PDE9A: variants seen among roughly 807,000 people sequenced by gnomAD.
The protein encoded by PDE9A is phosphodiesterase 9A.
In PDE9A, 60 loss-of-function variants were observed where a neutral mutation model predicts 87.4. The observed-to-expected ratio is 0.69, with a 90% CI of 0.56 to 0.85. The LOEUF (loss-of-function observed/expected upper bound fraction) is 0.85. Among genes scored for constraint, PDE9A ranks in the 40% least tolerant of loss-of-function variants. The probability of loss-of-function intolerance (pLI) is 0.00; values close to 1 mark genes in which losing one functional copy is unlikely to be tolerated. For synonymous variants in PDE9A, 272 were observed against 279.4 expected (o/e 0.97, Z 0.27); for missense variants, 665 against 779.0 (o/e 0.85, Z 1.74).
chr21:42,672,875 TC>T (rs944430459), intron 1 of PDE9A, among the ~76,000 whole-genome samples: 56 of 152,282 alleles, frequency 3.7e-4, no homozygotes, highest in African/African-American at 1.3e-3. Flanking sequence ...TGCGGTGGCA[TC>T]CCCGAGTTAA....
chr21:42,685,752 G>A (rs2059426955), intron 1 of PDE9A, among the ~76,000 whole-genome samples: 1 of 152,202 alleles, frequency 6.6e-6, no homozygotes, highest in Non-Finnish European at 1.5e-5. Context: ...ACAGGCGTGA[G>A]CCACCGCGCC....
chr21:42,664,859 C>T (rs1165426175), intron 1 of PDE9A, among the ~76,000 whole-genome samples: 2 of 152,274 alleles, frequency 1.3e-5, no homozygotes, highest in Admixed American at 6.5e-5. Flanking sequence ...CCACGTCCTG[C>T]CATTGACCTC....
At chr21:42,717,558 T>TC (rs2050068776) in intron 4 of PDE9A, among the ~76,000 whole-genome samples, 1 of 150,460 alleles carries the variant, frequency 6.6e-6, no homozygotes, top group African/African-American at 2.4e-5. Flanking sequence ...AAAAAAAAAT[T>TC]TTTTTGTATT....
At chr21:42,701,008 A>G (rs1478173832) in intron 4 of PDE9A, 2 of 152,242 alleles carry the variant, frequency 1.3e-5, no homozygotes, top group East Asian at 1.9e-4. Context: ...ACAGTCTGCT[A>G]GGATTTTGAC....
At position 42,772,503 on chromosome 21, in the gene PDE9A, A is replaced by T. The variant is rs768956002; in HGVS notation, c.1751A>T (p.Asp584Val). ...GAGAAGTCCAGAGAGAGAAGCAGAG[A>T]TGTGAAAAACAGTGAAGGTAATGCT... ...ATEKSRERSR[D>V]VKNSEGDCA Residue 584 changes from aspartate (D) to valine (V), a missense_variant, in exon 19 of 20, where the codon GAT becomes GTT. By Grantham distance (152) the Asp-to-Val change is radical. Coordinates refer to ENST00000291539, the MANE Select transcript of PDE9A (RefSeq NM_002606.3). 1 of 1,606,966 alleles carries T rather than the reference A, an allele frequency of 6.2e-7. No homozygotes were observed. Among genetic ancestry groups the T allele is most frequent in the Non-Finnish European group, 8.5e-7 (1 of 1,176,540 alleles).
chr21:42,724,272 A>G (rs12185853), intron 4 of PDE9A, among the ~76,000 whole-genome samples: 30,781 of 152,166 alleles, frequency 0.2, 3,524 homozygotes, highest in African/African-American at 0.32. Context: ...CTCAGTGGGC[A>G]TCCGTGATGC....
At chr21:42,715,795 G>A (rs2049857539) in intron 4 of PDE9A, among the ~76,000 whole-genome samples, 1 of 150,712 alleles carries the variant, frequency 6.6e-6, no homozygotes, top group African/African-American at 2.4e-5. Context: ...AGACAGAATC[G>A]GTTCTCTCAG....
At position 42,760,460 on chromosome 21, in the gene PDE9A, CCTCTA is replaced by C; in HGVS notation, c.1002+33_1002+37del. 1 of 1,351,128 alleles carries C rather than the reference CCTCTA, an allele frequency of 7.4e-7. No individual in the cohort carries two copies. Among genetic ancestry groups the C allele is most frequent in the Admixed American group, 1.7e-5 (1 of 59,006 alleles). The allele number at this position is 1,351,128 out of a possible 1,614,324, so 83.7% of individuals were successfully genotyped here. A position where few individuals can be genotyped will look rare whatever the true frequency, so the allele number is the denominator to read the frequency against. On this transcript the variant is annotated intron_variant, in intron 12 of 19. Coordinates refer to ENST00000291539, the MANE Select transcript of PDE9A (RefSeq NM_002606.3). This position sits in a 1 kb window ranked among gnomAD's most constrained non-coding sequence, Gnocchi z 5.2. ...GGGTCCTGCCCGCTGCACACCCAGA[CCTCTA>C]CTCTCGGGGGTCAGACGGAGGCCCC... is the stretch of plus-strand genomic sequence containing the variant.
At chr21:42,765,740 A>T (rs538078444) in intron 15 of PDE9A, 1 of 482,236 alleles carries the variant, frequency 2.1e-6, no homozygotes, top group African/African-American at 2.0e-5. Flanking sequence ...TTTGGATTTG[A>T]AGGAGATAAG....
chr21:42,655,099 C>G (rs965983166), intron 1 of PDE9A, among the ~76,000 whole-genome samples: 4 of 151,920 alleles, frequency 2.6e-5, no homozygotes, highest in African/African-American at 9.7e-5. Context: ...CACCAGCATG[C>G]ACACTCACAC....
At chr21:42,693,588 C>CTTTTTTT (rs371936659) in intron 3 of PDE9A, among the ~76,000 whole-genome samples, 1 of 124,384 alleles carries the variant, frequency 8.0e-6, no homozygotes, top group Non-Finnish European at 1.7e-5. Context: ...CCGCGTCCTA[C>CTTTTTTT]TTTTTTTTTT....
chr21:42,703,011 A>AT, intron 4 of PDE9A, among the ~76,000 whole-genome samples: 1 of 152,268 alleles, frequency 6.6e-6, no homozygotes, highest in East Asian at 1.9e-4. Context: ...AGAGGAAGCT[A>AT]TTTTTTTGGG....
At chr21:42,742,403 A>AGG (rs1309051953) in intron 7 of PDE9A, among the ~76,000 whole-genome samples, 2 of 149,166 alleles carry the variant, frequency 1.3e-5, no homozygotes, top group African/African-American at 4.9e-5. Flanking sequence ...CCAGTGAGCC[A>AGG]GGAATGCTGA....
chr21:42,731,801 T>C lies in PDE9A; in HGVS notation c.294T>C (p.Arg98=), dbSNP rs1424565422. ...AGVEDKRTTS[R]GQSAERPLRD... is the part of the protein sequence containing the mutation. ...TCGAGGACAAGAGAACCACAAGCCGTGGCCAGTCTGCTGAGAGACCACTGA... is the reference window on the plus strand; with the variant it reads ...TCGAGGACAAGAGAACCACAAGCCGCGGCCAGTCTGCTGAGAGACCACTGA... The change falls in exon 5 of 20, where the codon CGT becomes CGC. Residue 98 remains arginine (R), a synonymous_variant. Coordinates refer to ENST00000291539, the MANE Select transcript of PDE9A (RefSeq NM_002606.3). The C allele has an allele frequency of 6.2e-7, 1 of 1,614,124 alleles. No homozygotes were observed. Among genetic ancestry groups the C allele is most frequent in the East Asian group, 2.2e-5 (1 of 44,882 alleles).
chr21:42,718,065 C>G (rs4919997), intron 4 of PDE9A, among the ~76,000 whole-genome samples: 103,647 of 151,176 alleles, frequency 0.69, 37,418 homozygotes, highest in East Asian at 0.94. Flanking sequence ...CCCGCCACCA[C>G]GCCCAACTAA....
intron 2 of PDE9A, 54 bp from the exon 3 acceptor site, chr21:42,687,863 G>A (rs2059562395): frequency 2.0e-6 from 3 of 1,464,620 alleles, no homozygotes; most frequent in Non-Finnish European, 2.9e-6. Flanking sequence ...ACATTCAAGT[G>A]TACATCCCAG....
chr21:42,765,473 C>T lies in PDE9A; in HGVS notation c.1335C>T (p.Ser445=). 1 of 1,606,096 alleles carries T rather than the reference C, an allele frequency of 6.2e-7. No homozygotes were observed. The highest frequency in any genetic ancestry group is 8.5e-7 in the Non-Finnish European group (1 of 1,172,896). ...AGAAAATGGAGAATTTTGACTACAG[C>T]AACGAGGAGCACATGACCCTGGTGA... ...FKEKMENFDY[S]NEEHMTLLKM... is the part of the protein sequence containing the mutation. Residue 445 remains serine, a synonymous_variant, in exon 15 of 20, where the codon AGC becomes AGT. Coordinates refer to ENST00000291539, the MANE Select transcript of PDE9A (RefSeq NM_002606.3).
chr21:42,688,301 C>T (rs1453254175), intron 3 of PDE9A, among the ~76,000 whole-genome samples: 1 of 152,274 alleles, frequency 6.6e-6, no homozygotes, highest in East Asian at 1.9e-4. Context: ...GAGCCAGGCC[C>T]CGGGATCCCC....
rs1254907728 is a variant in PDE9A, at chr21:42,760,930, T to G, written c.1085+23T>G. ...CACGTATGTACAGGATTTTCTCTTT[T>G]TTTCCTTTTAAAAGGCACCCTGGCT... is the stretch of plus-strand genomic sequence containing the variant. On this transcript the variant is annotated intron_variant, in intron 13 of 19. Transcript: ENST00000291539. The surrounding 1 kb of genome is among the most constrained non-coding windows in gnomAD (Gnocchi z 5.2). 1 of 1,559,566 alleles carries G rather than the reference T, an allele frequency of 6.4e-7. No homozygotes were observed. Among genetic ancestry groups the G allele is most frequent in the East Asian group, 2.2e-5 (1 of 44,598 alleles).
Sources: allele counts gnomAD v4.1 joint callset (sites outside exome capture counted in the v4.1 genomes callset), GRCh38; gene constraint gnomAD v4.1.1; non-coding constraint Gnocchi (gnomAD v3.1); transcripts MANE v1.5; gene names NCBI Gene and HGNC (gene_info 2026-07-23, HGNC 2026-07-21).